The following MCTP1 variants were observed in gnomAD, a reference collection of about 807,000 sequenced individuals.
MCTP1 encodes multiple C2 and transmembrane domain containing 1.
Under a neutral mutation model 120.6 loss-of-function variants are expected in MCTP1, and 69 were observed. That is an observed-to-expected ratio of 0.57 (90% CI 0.47 to 0.70). MCTP1 has a LOEUF of 0.70. MCTP1 is among the 30% of genes least tolerant of loss of function. MCTP1 has a pLI of 0.00. For missense variants in MCTP1, 1,203 were observed against 1,248.8 expected (o/e 0.96, Z 0.55); for synonymous variants, 529 against 493.1 (o/e 1.07, Z -0.96).
intron 1 of MCTP1, among the ~76,000 whole-genome samples, chr5:95,193,145 GT>G: frequency 6.6e-6 from 1 of 152,206 alleles, no homozygotes; most frequent in East Asian, 1.9e-4. Context: ...CATGATAGAA[GT>G]TTAATAAACA....
chr5:94,955,326 C>T (rs1822290205), intron 2 of MCTP1, among the ~76,000 whole-genome samples: 1 of 152,172 alleles, frequency 6.6e-6, no homozygotes, highest in Non-Finnish European at 1.5e-5. Context: ...GTTTCAAGCA[C>T]AAAACTGGGC....
chr5:94,799,463 G>A (rs909286856), intron 17 of MCTP1, among the ~76,000 whole-genome samples: 3 of 152,108 alleles, frequency 2.0e-5, no homozygotes, highest in African/African-American at 7.2e-5. Flanking sequence ...AATGAACTCC[G>A]CTACACTGTC....
chr5:95,284,667 C>G lies in MCTP1; in HGVS notation c.-92G>C. The G allele has an allele frequency of 8.8e-7, 1 of 1,132,448 alleles. No homozygotes were observed. The highest frequency in any genetic ancestry group is 1.2e-6 in the Non-Finnish European group (1 of 857,754). 70.1% of individuals were successfully genotyped at this position (1,132,448 alleles called of 1,614,324 possible). A position where few individuals can be genotyped will look rare whatever the true frequency, so the allele number is the denominator to read the frequency against. On this transcript the variant is annotated 5_prime_UTR_variant, in exon 1 of 23. Transcript: ENST00000515393. The surrounding 1 kb of genome is among the most constrained non-coding windows in gnomAD (Gnocchi z 5.2). Reference sequence around the variant, plus strand: ...GGCTGCACCTCCTCCCGGGTCCCCGCGGCGCTGGCGGTGGCGGCGGCGGCG... The same window carrying G: ...GGCTGCACCTCCTCCCGGGTCCCCGGGGCGCTGGCGGTGGCGGCGGCGGCG...
intron 1 of MCTP1, among the ~76,000 whole-genome samples, chr5:95,218,336 A>C (rs1196688868): frequency 6.6e-6 from 1 of 152,208 alleles, no homozygotes; most frequent in African/African-American, 2.4e-5. Context: ...CAGGCCCATA[A>C]CAAGAGAAAT....
At chr5:95,078,655 T>C (rs1478306528) in intron 1 of MCTP1, among the ~76,000 whole-genome samples, 5 of 152,164 alleles carry the variant, frequency 3.3e-5, no homozygotes, top group Admixed American at 2.6e-4. Flanking sequence ...TAGCAGTCAT[T>C]TCAAATTACT....
chr5:95,090,186 T>G (rs558788832), intron 1 of MCTP1, among the ~76,000 whole-genome samples: 56 of 152,234 alleles, frequency 3.7e-4, no homozygotes, highest in Non-Finnish European at 7.1e-4. Context: ...GTCAGTTACC[T>G]ACTGTGTTTG....
chr5:95,155,877 G>T (rs1745066700), intron 1 of MCTP1, among the ~76,000 whole-genome samples: 1 of 152,216 alleles, frequency 6.6e-6, no homozygotes, highest in Non-Finnish European at 1.5e-5. Context: ...AAAGGTGATG[G>T]GTTGGTCACT....
chr5:95,240,983 G>C (rs1348213973), intron 1 of MCTP1, among the ~76,000 whole-genome samples: 2 of 151,408 alleles, frequency 1.3e-5, no homozygotes, highest in Non-Finnish European at 2.9e-5. Flanking sequence ...ATCCTAGTAG[G>C]ATATTTTATA....
At chr5:95,093,354 A>T (rs1234475966) in intron 1 of MCTP1, among the ~76,000 whole-genome samples, 1 of 152,176 alleles carries the variant, frequency 6.6e-6, no homozygotes, top group Middle Eastern at 3.2e-3. Context: ...AGGGCCAGTG[A>T]TTGCTGTGTG....
intron 1 of MCTP1, among the ~76,000 whole-genome samples, chr5:95,062,373 C>T (rs1438395878): frequency 6.6e-6 from 1 of 152,088 alleles, no homozygotes; most frequent in South Asian, 2.1e-4. Flanking sequence ...CTTATTTCAC[C>T]CCAAACTTTA....
intron 17 of MCTP1, among the ~76,000 whole-genome samples, chr5:94,812,779 A>C (rs1783709678): frequency 6.6e-6 from 1 of 151,924 alleles, no homozygotes; most frequent in Admixed American, 6.6e-5. Flanking sequence ...CCTCTTAAAA[A>C]AAAAAAAAGG....
intron 19 of MCTP1, among the ~76,000 whole-genome samples, chr5:94,735,296 C>T (rs1464162866): frequency 6.6e-6 from 1 of 152,088 alleles, no homozygotes; most frequent in Non-Finnish European, 1.5e-5. Flanking sequence ...TCACTTTTTA[C>T]ACTTTTAACC....
intron 8 of MCTP1, among the ~76,000 whole-genome samples, chr5:94,917,086 T>C (rs1297478013): frequency 6.6e-6 from 1 of 152,368 alleles, no homozygotes; most frequent in Non-Finnish European, 1.5e-5. Flanking sequence ...TGAATAATTA[T>C]GAAAAGCTGT....
chr5:95,043,720 C>A (rs2151924942), intron 1 of MCTP1, among the ~76,000 whole-genome samples: 1 of 152,240 alleles, frequency 6.6e-6, no homozygotes, highest in African/African-American at 2.4e-5. Context: ...ATCTGTATTT[C>A]CCGTGAACTG....
chr5:95,240,159 A>G (rs1001053126), intron 1 of MCTP1, among the ~76,000 whole-genome samples: 3 of 152,224 alleles, frequency 2.0e-5, no homozygotes, highest in Admixed American at 6.5e-5. Flanking sequence ...TAGCGAAATC[A>G]GTATCTCTTA....
intron 17 of MCTP1, among the ~76,000 whole-genome samples, chr5:94,822,150 T>A (rs1301787065): frequency 6.6e-6 from 1 of 152,134 alleles, no homozygotes; most frequent in Non-Finnish European, 1.5e-5. Flanking sequence ...CATAGCGGTT[T>A]GCTCCACCCA....
intron 2 of MCTP1, among the ~76,000 whole-genome samples, chr5:95,015,607 C>T (rs1836941910): frequency 6.6e-6 from 1 of 152,064 alleles, no homozygotes; most frequent in South Asian, 2.1e-4. Context: ...GTATTTCTTT[C>T]TTACATAGAA....
At chr5:94,952,557 C>A (rs1820892006) in intron 3 of MCTP1, among the ~76,000 whole-genome samples, 1 of 152,028 alleles carries the variant, frequency 6.6e-6, no homozygotes, top group African/African-American at 2.4e-5. Flanking sequence ...GGTCTGGTCA[C>A]TGAATGAACA....
intron 19 of MCTP1, among the ~76,000 whole-genome samples, chr5:94,727,337 T>C (rs1762325353): frequency 6.6e-6 from 1 of 152,298 alleles, no homozygotes; most frequent in East Asian, 1.9e-4. Context: ...TTATTTTTTT[T>C]CCCCAACAAG....
Sources: allele counts gnomAD v4.1 joint callset (sites outside exome capture counted in the v4.1 genomes callset), GRCh38; gene constraint gnomAD v4.1.1; non-coding constraint Gnocchi (gnomAD v3.1); transcripts MANE v1.5; gene names NCBI Gene and HGNC (gene_info 2026-07-23, HGNC 2026-07-21).